Variants in HS6ST3 observed in about 807,000 individuals in gnomAD.
HS6ST3 encodes heparan sulfate 6-O-sulfotransferase 3, also known as heparan-sulfate 6-O-sulfotransferase 3.
Under a neutral mutation model 36.7 loss-of-function variants are expected in HS6ST3, and 12 were observed. The observed-to-expected ratio is 0.33, with a 90% CI of 0.21 to 0.53. HS6ST3 has a LOEUF of 0.53. HS6ST3 is among the 20% of genes least tolerant of loss of function. The pLI is 0.95. For synonymous variants in HS6ST3, 240 were observed against 257.5 expected, an observed-to-expected ratio of 0.93 and a Z score of 0.65; for missense variants, 584 against 640.9, an observed-to-expected ratio of 0.91 and a Z score of 0.96.
chr13:96,708,172 T>C (rs762161013), intron 1 of HS6ST3, among the ~76,000 whole-genome samples: 3 of 152,366 alleles, frequency 2.0e-5, no homozygotes, highest in African/African-American at 7.2e-5. Context: ...TATGGGACTC[T>C]GGTTTACATG....
chr13:96,128,753 T>C lies in HS6ST3; in HGVS notation c.707+37184T>C, dbSNP rs575174158. Among the ~76,000 whole-genome samples, 17 of 152,302 alleles carry C rather than the reference T, an allele frequency of 1.1e-4. No homozygotes were observed. In the South Asian group the frequency reaches 3.5e-3, roughly 32 times the overall value. On this transcript the variant is annotated intron_variant, in intron 1 of 1. Coordinates refer to ENST00000376705, the MANE Select transcript of HS6ST3 (RefSeq NM_153456.4). ...TAGACACCTTCCCTTCTTTGTTTGA[T>C]GCAGAGAGCTTGATAACTACCATTT...
At chr13:96,110,440 G>GT (rs370326936) in intron 1 of HS6ST3, among the ~76,000 whole-genome samples, 2,621 of 138,246 alleles carry the variant, frequency 0.019, 48 homozygotes, top group Admixed American at 0.033. Context: ...TTGTGTGTGT[G>GT]TGTTTTTTTT....
At chr13:96,579,445 G>C (rs181801023) in intron 1 of HS6ST3, among the ~76,000 whole-genome samples, 4 of 152,010 alleles carry the variant, frequency 2.6e-5, no homozygotes, top group Middle Eastern at 6.8e-3. Context: ...AAGTATTGTA[G>C]AGAATAAATC....
At chr13:96,801,420 C>T (rs1878066666) in intron 1 of HS6ST3, among the ~76,000 whole-genome samples, 1 of 151,972 alleles carries the variant, frequency 6.6e-6, no homozygotes, top group Non-Finnish European at 1.5e-5. Context: ...GTATGTCTTT[C>T]TAGGTTTATT....
chr13:96,410,838 A>G (rs2139461922), intron 1 of HS6ST3, among the ~76,000 whole-genome samples: 1 of 152,026 alleles, frequency 6.6e-6, no homozygotes, highest in South Asian at 2.1e-4. Flanking sequence ...ATGGTGTCTA[A>G]CTCTAGTTAC....
intron 1 of HS6ST3, among the ~76,000 whole-genome samples, chr13:96,718,131 A>G (rs1055844623): frequency 6.6e-6 from 1 of 152,156 alleles, no homozygotes; most frequent in African/African-American, 2.4e-5. Context: ...TCAGCATCCC[A>G]CCTAACATTT....
At chr13:96,731,791 G>A (rs1876161129) in intron 1 of HS6ST3, among the ~76,000 whole-genome samples, 1 of 152,044 alleles carries the variant, frequency 6.6e-6, no homozygotes, top group South Asian at 2.1e-4. Context: ...TGGTAGCTGG[G>A]ACTACAGGCA....
intron 1 of HS6ST3, among the ~76,000 whole-genome samples, chr13:96,519,657 G>A (rs2056085854): frequency 6.6e-6 from 1 of 152,168 alleles, no homozygotes; most frequent in Admixed American, 6.6e-5. Flanking sequence ...GCAGTATGGT[G>A]CACAAACTTT....
rs571828541 is a variant in HS6ST3, at chr13:96,665,340, G to A, written c.708-167150G>A. Among the ~76,000 whole-genome samples, 3 of 152,270 alleles carry A rather than the reference G, an allele frequency of 2.0e-5. No homozygotes were observed. In the East Asian group the frequency reaches 5.8e-4, roughly 29 times the overall value. ...GCAATGGAGCTGGAGACATCATGGT[G>A]AGTAAGAGAGAAATGGCCCTTGTTC... On this transcript the variant is annotated intron_variant, in intron 1 of 1. Coordinates refer to ENST00000376705, the MANE Select transcript of HS6ST3 (RefSeq NM_153456.4).
At chr13:96,265,450 G>T (rs1180121630) in intron 1 of HS6ST3, among the ~76,000 whole-genome samples, 2 of 152,148 alleles carry the variant, frequency 1.3e-5, no homozygotes, top group Non-Finnish European at 2.9e-5. Context: ...AAAGTGATGG[G>T]ATTATAGGCA....
chr13:96,588,334 G>A (rs926594997), intron 1 of HS6ST3, among the ~76,000 whole-genome samples: 1 of 152,038 alleles, frequency 6.6e-6, no homozygotes, highest in Non-Finnish European at 1.5e-5. Context: ...AGCTTTCAAA[G>A]TGTTCCTATT....
At chr13:96,194,751 C>G (rs550389406) in intron 1 of HS6ST3, among the ~76,000 whole-genome samples, 84 of 152,178 alleles carry the variant, frequency 5.5e-4, no homozygotes, top group Non-Finnish European at 1.0e-3. Context: ...CCACCTCCCC[C>G]ACAAGCCCCC....
At chr13:96,280,420 T>C (rs1213007089) in intron 1 of HS6ST3, among the ~76,000 whole-genome samples, 1 of 152,090 alleles carries the variant, frequency 6.6e-6, no homozygotes, top group Non-Finnish European at 1.5e-5. Context: ...GCCTCTCAGG[T>C]ATTATACTGT....
At position 96,554,128 on chromosome 13, in the gene HS6ST3, G is replaced by C. The variant is rs2056230706; in HGVS notation, c.708-278362G>C. Among the ~76,000 whole-genome samples, 2 of 152,200 alleles carry C rather than the reference G, an allele frequency of 1.3e-5. 1 individual carries two copies. Among genetic ancestry groups the C allele is most frequent in the Admixed American group, 1.3e-4 (2 of 15,274 alleles). On this transcript the variant is annotated intron_variant, in intron 1 of 1. Transcript: ENST00000376705. ...AGAATGTGGTGCCACAGCTCAGGTT[G>C]TGTTAGGGATTCAGAAAGAAGAGAG...
intron 1 of HS6ST3, among the ~76,000 whole-genome samples, chr13:96,484,402 A>G (rs571757314): frequency 1.3e-5 from 2 of 152,296 alleles, no homozygotes; most frequent in African/African-American, 2.4e-5. Flanking sequence ...TTTCAAGTAT[A>G]TAATGCAGTA....
intron 1 of HS6ST3, among the ~76,000 whole-genome samples, chr13:96,351,840 C>T (rs1188361223): frequency 6.6e-6 from 1 of 152,102 alleles, no homozygotes. Flanking sequence ...GCAAAACAAT[C>T]AGTGTAGCTT....
chr13:96,094,804 G>T (rs916571429), intron 1 of HS6ST3, among the ~76,000 whole-genome samples: 1 of 152,142 alleles, frequency 6.6e-6, no homozygotes, highest in African/African-American at 2.4e-5. Context: ...GTTAGAATAG[G>T]ATGGTGGCAC....
At chr13:96,550,077 A>G (rs1424772434) in intron 1 of HS6ST3, among the ~76,000 whole-genome samples, 19 of 152,178 alleles carry the variant, frequency 1.2e-4, no homozygotes, top group Admixed American at 1.2e-3. Context: ...GTAGCGATTC[A>G]ATGGTGAGCA....
chr13:96,251,835 G>C (rs905112396), intron 1 of HS6ST3, among the ~76,000 whole-genome samples: 6 of 151,992 alleles, frequency 3.9e-5, no homozygotes, highest in South Asian at 2.1e-4. Flanking sequence ...TCCGGAGTGT[G>C]TTGCTTAATT....
Sources: gnomAD v4.1 joint callset for allele counts (sites outside exome capture counted in the v4.1 genomes callset) on GRCh38, gnomAD v4.1.1 for gene constraint, MANE v1.5 for transcripts, NCBI Gene and HGNC (gene_info 2026-07-23, HGNC 2026-07-21) for gene names.